The following CALM2 variants were observed in gnomAD, a reference collection of about 807,000 sequenced individuals.
CALM2 encodes calmodulin 2, also known as calmodulin-2.
In CALM2, 2 loss-of-function variants were observed where a neutral mutation model predicts 19.8. That is an observed-to-expected ratio of 0.10 (90% CI 0.04 to 0.32). The LOEUF (loss-of-function observed/expected upper bound fraction) is 0.32, where lower values mean the gene tolerates loss of function less well. CALM2 is among the 10% of genes least tolerant of loss of function. CALM2 has a pLI of 1.00. For missense variants in CALM2, 38 were observed against 178.7 expected (o/e 0.21, Z 4.49); for synonymous variants, 51 against 52.1 (o/e 0.98, Z 0.09).
chr2:47,176,015 C>T lies in CALM2; in HGVS notation c.3+426G>A, dbSNP rs1666854533. ...GGCCGCAAGCGGACAAAGGCGCTTC[C>T]TGGCGCCCGCACTAACCGTCGGTCG... On this transcript the variant is annotated intron_variant, in intron 1 of 5. Coordinates refer to ENST00000272298, the MANE Select transcript of CALM2 (RefSeq NM_001743.6). Among the ~76,000 whole-genome samples the T allele has an allele frequency of 7.2e-5, 11 of 152,270 alleles. No homozygotes were observed. In the South Asian group the frequency reaches 2.3e-3, roughly 32 times the overall value.
chr2:47,171,767 A>T (rs1423604340), intron 1 of CALM2: 1 of 152,182 alleles, frequency 6.6e-6, no homozygotes, highest in Non-Finnish European at 1.5e-5. Flanking sequence ...TCAAGTATAC[A>T]ATGATTAATC....
chr2:47,169,235 A>G (rs150385825), intron 2 of CALM2, among the ~76,000 whole-genome samples: 2 of 152,336 alleles, frequency 1.3e-5, no homozygotes, highest in East Asian at 3.9e-4. Context: ...AGAAGGTCAG[A>G]GTTTAAGAGT....
intron 2 of CALM2, among the ~76,000 whole-genome samples, chr2:47,165,347 TA>T (rs1432388774): frequency 4.6e-5 from 7 of 152,196 alleles, no homozygotes; most frequent in Non-Finnish European, 8.8e-5. Flanking sequence ...TGAAATGACA[TA>T]AATGTGCCCA....
At chr2:47,168,350 A>G (rs1277422952) in intron 2 of CALM2, among the ~76,000 whole-genome samples, 8 of 152,314 alleles carry the variant, frequency 5.3e-5, no homozygotes, top group Admixed American at 2.6e-4. Flanking sequence ...TAATTTTATG[A>G]TGAAAGCCAA....
chr2:47,175,616 C>T (rs999345923), intron 1 of CALM2, among the ~76,000 whole-genome samples: 1 of 152,120 alleles, frequency 6.6e-6, no homozygotes, highest in African/African-American at 2.4e-5. Flanking sequence ...GTGGAAGACG[C>T]CCCAGGGCCC....
rs909420359 is a variant in CALM2, at chr2:47,161,584, TAAG to T, written c.421+136_421+138del. ...AGTCTGCAGACAACACTCTGAATTT[TAAG>T]AAGGTTAAATGTAAGTAACTGTTTT... On this transcript the variant is annotated intron_variant, in intron 5 of 5. Transcript: ENST00000272298. The T allele has an allele frequency of 4.2e-5, 29 of 684,206 alleles. 1 individual carries two copies. The highest frequency in any genetic ancestry group is 4.1e-4 in the African/African-American group (22 of 53,966). The allele number at this position is 684,206 out of a possible 1,614,324, so 42.4% of individuals were successfully genotyped here.
At chr2:47,175,082 T>TTTTTTTTTG (rs1666805284) in intron 1 of CALM2, among the ~76,000 whole-genome samples, 1 of 11,890 alleles carries the variant, frequency 8.4e-5, no homozygotes, top group African/African-American at 1.9e-4. Context: ...TCATTAGGTG[T>TTTTTTTTTG]TTTTTTTTTT....
chr2:47,170,919 C>G lies in CALM2; in HGVS notation c.4-155G>C, dbSNP rs185104790. The G allele has an allele frequency of 3.2e-4, 212 of 662,776 alleles. No homozygotes were observed. The African/African-American group carries it at 3.4e-3, about 11-fold the overall frequency. The allele number at this position is 662,776 out of a possible 1,614,324, so 41.1% of individuals were successfully genotyped here. On this transcript the variant is annotated intron_variant, in intron 1 of 5. Transcript: ENST00000272298. ...GATAGAAAATGCACACATCTAGTTT[C>G]TCTTATCTTCAAAGCTAAGCTGTCT... is the stretch of plus-strand genomic sequence containing the variant.
At chr2:47,164,386 A>G (rs1666387354) in intron 2 of CALM2, among the ~76,000 whole-genome samples, 3 of 94,338 alleles carry the variant, frequency 3.2e-5, no homozygotes, top group African/African-American at 8.4e-5. Context: ...ACACACACAC[A>G]CGCTGGGTGT....
intron 1 of CALM2, chr2:47,174,112 C>G (rs765436617): frequency 6.6e-6 from 1 of 152,166 alleles, no homozygotes; most frequent in East Asian, 1.9e-4. Context: ...CTTTTACTTA[C>G]CTAATCACCC....
chr2:47,162,171 C>CAAAAAAAAA lies in CALM2; in HGVS notation c.285+106_285+114dup, dbSNP rs56839340. ...TAATTAAAATATGTTGGTAAATCATCAAAAAAAAAAAAAAAAAAAAAAAAA... is the reference window on the plus strand; with the variant it reads ...TAATTAAAATATGTTGGTAAATCATCAAAAAAAAAAAAAAAAAAAAAAAAAAAAAAAAAA... On this transcript the variant is annotated intron_variant, in intron 4 of 5. Coordinates refer to ENST00000272298, the MANE Select transcript of CALM2 (RefSeq NM_001743.6). 6.8e-4 allele frequency: 89 copies of CAAAAAAAAA among 130,106 alleles called. 1 individual carries two copies. Among genetic ancestry groups the CAAAAAAAAA allele is most frequent in the Middle Eastern group, 4.3e-3 (1 of 234 alleles). 8.1% of individuals were successfully genotyped at this position (130,106 alleles called of 1,614,324 possible). A position where few individuals can be genotyped will look rare whatever the true frequency, so the allele number is the denominator to read the frequency against.
chr2:47,169,627 AAAAAT>A lies in CALM2; in HGVS notation c.34+1102_34+1106del, dbSNP rs200501310. On this transcript the variant is annotated intron_variant, in intron 2 of 5. Transcript: ENST00000272298. ...GTTTAAGTCAAATTACACAATAAAT[AAAAAT>A]AAAACCTGCTTAAATTTGTCTTTAA... Among the ~76,000 whole-genome samples, 1,080 of 152,360 alleles carry A rather than the reference AAAAAT, an allele frequency of 7.1e-3. 7 individuals are homozygous for A. Among genetic ancestry groups the A allele is most frequent in the African/African-American group, 0.025 (1,035 of 41,582 alleles).
At chr2:47,164,529 G>A (rs1256723001) in intron 2 of CALM2, among the ~76,000 whole-genome samples, 3 of 151,028 alleles carry the variant, frequency 2.0e-5, no homozygotes, top group Non-Finnish European at 4.4e-5. Context: ...CCCGAGAGGC[G>A]GAGGTTGCAG....
rs112882205 is a variant in CALM2 at position 47,161,874 on chromosome 2, GTA to G, written c.286-18_286-17del. 208 of 1,597,844 alleles carry G rather than the reference GTA, an allele frequency of 1.3e-4. 2 individuals are homozygous for G. In the African/African-American group the frequency reaches 2.3e-3, roughly 18 times the overall value. On this transcript the variant is annotated splice_polypyrimidine_tract_variant and intron_variant, in intron 4 of 5. Transcript: ENST00000272298. ...CATTGCCATCCTAGCAAAAAATTTA[GTA>G]TAGTTTCTGAGTCAAATTACAGACT...
intron 2 of CALM2, among the ~76,000 whole-genome samples, chr2:47,168,416 G>A (rs1666558462): frequency 6.6e-6 from 1 of 152,174 alleles, no homozygotes; most frequent in Non-Finnish European, 1.5e-5. Context: ...GAATGTCACA[G>A]TTTTGATGAA....
Position 47,160,271 on chromosome 2 carries a change from A to G in CALM2, c.*505T>C, listed in dbSNP as rs1687115084. ...TTTAAGTGGCTAAACAAAGTTTAAAAAGCAAGTAACAATAAAAGAAAATGT... is the reference window on the plus strand; with the variant it reads ...TTTAAGTGGCTAAACAAAGTTTAAAGAGCAAGTAACAATAAAAGAAAATGT... On this transcript the variant is annotated 3_prime_UTR_variant, in exon 6 of 6. Transcript: ENST00000272298. 1 of 152,756 alleles carries G rather than the reference A, an allele frequency of 6.5e-6. No homozygotes were observed. The highest frequency in any genetic ancestry group is 1.5e-5 in the Non-Finnish European group (1 of 68,104). The allele number at this position is 152,756 out of a possible 1,614,324, so 9.5% of individuals were successfully genotyped here.
At chr2:47,174,998 G>T (rs542554179) in intron 1 of CALM2, among the ~76,000 whole-genome samples, 1 of 151,348 alleles carries the variant, frequency 6.6e-6, no homozygotes, top group Admixed American at 6.6e-5. Flanking sequence ...ATGTCACCTT[G>T]CCTCCTGGAC....
chr2:47,176,858 GT>G, upstream of CALM2: 1 of 985,400 alleles, frequency 1.0e-6, no homozygotes, highest in Non-Finnish European at 1.2e-6. Context: ...CCTGCAATGC[GT>G]CACTGGGACT....
In CALM2 at chr2:47,170,724, T is replaced by C; in HGVS notation, c.34+10A>G. 2 of 1,605,884 alleles carry C rather than the reference T, an allele frequency of 1.2e-6. No homozygotes were observed. Among genetic ancestry groups the C allele is most frequent in the Non-Finnish European group, 1.7e-6 (2 of 1,172,482 alleles). On this transcript the variant is annotated intron_variant, in intron 2 of 5. Transcript: ENST00000272298. The stretch of plus-strand genomic sequence containing the variant: ...ATCTAATGGGTACAATCTAGCTGAG[T>C]ATTTCTCACCTGCAATCTGCTCTTC...
Sources: gnomAD v4.1 joint callset for allele counts (sites outside exome capture counted in the v4.1 genomes callset) on GRCh38, gnomAD v4.1.1 for gene constraint, MANE v1.5 for transcripts, NCBI Gene and HGNC (gene_info 2026-07-23, HGNC 2026-07-21) for gene names.